CNTLN: variants seen among roughly 807,000 people sequenced by gnomAD.
The protein encoded by CNTLN is centlein, centrosomal protein.
Under a neutral mutation model 180.0 loss-of-function variants are expected in CNTLN, and 212 were observed. The observed-to-expected ratio is 1.18, with a 90% CI of 1.05 to 1.32. The LOEUF is 1.32. Ranked by LOEUF, CNTLN falls within the 40% of genes most tolerant of loss-of-function variation. The pLI is 0.00. For missense variants in CNTLN, 2,095 were observed against 1,610.9 expected (o/e 1.30, Z -5.14); for synonymous variants, 722 against 563.1 (o/e 1.28, Z -3.99).
intron 2 of CNTLN, among the ~76,000 whole-genome samples, chr9:17,195,021 C>T (rs980993665): frequency 2.0e-5 from 3 of 152,172 alleles, no homozygotes; most frequent in Non-Finnish European, 4.4e-5. Context: ...TTCAAATGGT[C>T]TCCCACCGTG....
intron 1 of CNTLN, among the ~76,000 whole-genome samples, chr9:17,138,889 C>T (rs1355982174): frequency 6.6e-6 from 1 of 151,976 alleles, no homozygotes; most frequent in Non-Finnish European, 1.5e-5. Flanking sequence ...GTATCTATTT[C>T]CAGGTCAGTT....
At chr9:17,293,814 G>T (rs1043748629) in intron 6 of CNTLN, among the ~76,000 whole-genome samples, 7 of 152,134 alleles carry the variant, frequency 4.6e-5, no homozygotes, top group Admixed American at 2.6e-4. Context: ...CCAAGAGGCT[G>T]CCGAGAATCT....
At chr9:17,508,519 A>T (rs1052329029), downstream of CNTLN, among the ~76,000 whole-genome samples, 1 of 152,166 alleles carries the variant, frequency 6.6e-6, no homozygotes, top group Admixed American at 6.5e-5. Flanking sequence ...GAGATACAGA[A>T]CTGTTCCATC....
intron 15 of CNTLN, among the ~76,000 whole-genome samples, chr9:17,408,317 A>G (rs1827568807): frequency 6.6e-6 from 1 of 151,810 alleles, no homozygotes; most frequent in Non-Finnish European, 1.5e-5. Context: ...CACAACCTCA[A>G]CACTTCCTGT....
At chr9:17,204,376 G>A (rs183454242) in intron 2 of CNTLN, among the ~76,000 whole-genome samples, 40 of 152,000 alleles carry the variant, frequency 2.6e-4, no homozygotes, top group Admixed American at 1.8e-3. Context: ...TTTTATGTGG[G>A]GGTCTTTTTT....
chr9:17,357,404 A>G (rs1564024983), intron 12 of CNTLN, among the ~76,000 whole-genome samples: 1 of 151,614 alleles, frequency 6.6e-6, no homozygotes, highest in Non-Finnish European at 1.5e-5. Flanking sequence ...TTGGAATTTT[A>G]TTTTGTAACT....
chr9:17,493,994 A>G (rs577504250), intron 25 of CNTLN, among the ~76,000 whole-genome samples: 11 of 152,344 alleles, frequency 7.2e-5, no homozygotes, highest in African/African-American at 2.4e-4. Flanking sequence ...TTAATTCAAT[A>G]TCTTCAACTA....
In CNTLN at chr9:17,292,972, G is replaced by A. The variant is rs143929095; in HGVS notation, c.984-5218G>A. Among the ~76,000 whole-genome samples, 1,083 of 152,304 alleles carry A rather than the reference G, an allele frequency of 7.1e-3. 10 individuals carry two copies. Among genetic ancestry groups the A allele is most frequent in the African/African-American group, 0.019 (795 of 41,568 alleles). On this transcript the variant is annotated intron_variant, in intron 6 of 25. Transcript: ENST00000380647. Reference sequence around the variant, plus strand: ...TTGCGAGGACCTTTTTGTTGATGCTGTTATTGTTGTTGCTTTCTGTTTGTT... The same window carrying A: ...TTGCGAGGACCTTTTTGTTGATGCTATTATTGTTGTTGCTTTCTGTTTGTT...
At position 17,263,863 on chromosome 9, in the gene CNTLN, A is replaced by G. The variant is rs1458814879; in HGVS notation, c.850-9870A>G. ...CTTCTTTTGAGAAGTGTCTGTTCAT[A>G]TCCTTCGCCCACTTTTTGATGGGGT... On this transcript the variant is annotated intron_variant, in intron 5 of 25. Transcript: ENST00000380647. Among the ~76,000 whole-genome samples the G allele has an allele frequency of 5.0e-4, 71 of 140,686 alleles. 2 individuals carry two copies. Among genetic ancestry groups the G allele is most frequent in the African/African-American group, 9.0e-4 (32 of 35,618 alleles). The allele number at this position is 140,686 out of a possible 152,430, so 92.3% of individuals were successfully genotyped here.
intron 24 of CNTLN, among the ~76,000 whole-genome samples, chr9:17,485,223 CT>C (rs1269110128): frequency 6.6e-6 from 1 of 152,092 alleles, no homozygotes; most frequent in Non-Finnish European, 1.5e-5. Flanking sequence ...GATGGTGGCA[CT>C]AGCAGCTTCT....
chr9:17,182,118 T>G (rs1237360717), intron 2 of CNTLN, among the ~76,000 whole-genome samples: 1 of 152,114 alleles, frequency 6.6e-6, no homozygotes, highest in East Asian at 1.9e-4. Context: ...GATTGAAGTC[T>G]AGGCTCCTCT....
chr9:17,333,890 A>G (rs1326462252), intron 10 of CNTLN, among the ~76,000 whole-genome samples: 1 of 152,186 alleles, frequency 6.6e-6, no homozygotes, highest in Non-Finnish European at 1.5e-5. Context: ...TCATACTAGT[A>G]CTTGTCTAAC....
chr9:17,375,505 A>G (rs1824686206), intron 13 of CNTLN, among the ~76,000 whole-genome samples: 1 of 152,200 alleles, frequency 6.6e-6, no homozygotes, highest in Non-Finnish European at 1.5e-5. Flanking sequence ...CTGTAGATAC[A>G]TCTACTGTGT....
At chr9:17,423,853 C>T (rs1307368606) in intron 18 of CNTLN, among the ~76,000 whole-genome samples, 1 of 152,078 alleles carries the variant, frequency 6.6e-6, no homozygotes, top group East Asian at 1.9e-4. Flanking sequence ...CAGATTCTCT[C>T]TCGGCTCAGT....
At chr9:17,304,965 G>A (rs370108819) in intron 7 of CNTLN, among the ~76,000 whole-genome samples, 20 of 152,082 alleles carry the variant, frequency 1.3e-4, no homozygotes, top group South Asian at 4.1e-4. Context: ...AGGGAATGCT[G>A]TAGTATATTT....
intron 24 of CNTLN, among the ~76,000 whole-genome samples, chr9:17,485,959 C>G (rs890554017): frequency 6.6e-6 from 1 of 152,140 alleles, no homozygotes. Flanking sequence ...AGTGACACCT[C>G]TGCCTCTGGG....
chr9:17,153,838 A>T (rs1819069741), intron 2 of CNTLN, among the ~76,000 whole-genome samples: 1 of 152,106 alleles, frequency 6.6e-6, no homozygotes, highest in Non-Finnish European at 1.5e-5. Context: ...TATTTCTTGG[A>T]GGCTTTGTTT....
chr9:17,399,209 A>G (rs1385354939), intron 15 of CNTLN, among the ~76,000 whole-genome samples: 1 of 152,190 alleles, frequency 6.6e-6, no homozygotes, highest in Non-Finnish European at 1.5e-5. Context: ...ACGTAGTCCC[A>G]TGTATTATAT....
intron 6 of CNTLN, among the ~76,000 whole-genome samples, chr9:17,284,182 C>T (rs1046922571): frequency 6.6e-5 from 10 of 151,968 alleles, no homozygotes; most frequent in Admixed American, 3.9e-4. Context: ...CAGTATGCCT[C>T]GCTAATTTTT....
Sources: allele counts gnomAD v4.1 joint callset (sites outside exome capture counted in the v4.1 genomes callset), GRCh38; gene constraint gnomAD v4.1.1; transcripts MANE v1.5; gene names NCBI Gene and HGNC (gene_info 2026-07-23, HGNC 2026-07-21).